Variants in NCF4 observed in about 807,000 individuals in gnomAD.
The protein encoded by NCF4 is neutrophil cytosolic factor 4, also known as neutrophil cytosol factor 4.
NCF4 carries 30 observed loss-of-function variants against 41.7 expected under a neutral mutation model. The observed-to-expected ratio is 0.72, with a 90% CI of 0.54 to 0.97. NCF4 has a LOEUF of 0.97. NCF4 is among the 50% of genes least tolerant of loss of function. The pLI, the probability that NCF4 is intolerant of heterozygous loss-of-function variation, is 0.00. For missense variants in NCF4, 432 were observed against 460.9 expected, an observed-to-expected ratio of 0.94 and a Z score of 0.57; for synonymous variants, 195 against 175.8, an observed-to-expected ratio of 1.11 and a Z score of -0.87.
At chr22:36,876,223 C>G in intron 9 of NCF4, 129 bp downstream of exon 9, 1 of 976,246 alleles carries the variant, frequency 1.0e-6, no homozygotes, top group Non-Finnish European at 1.5e-6. Flanking sequence ...TATCCGCAGC[C>G]CAGCCCTGCA....
chr22:36,864,143 C>T lies in NCF4; in HGVS notation c.117+14C>T, dbSNP rs200215030. Reference sequence around the variant, plus strand: ...ACCAGCCACTTTGTAAGACAGACTCCTAGTCCTTCACCCAACAACCTCTGA... The same window carrying T: ...ACCAGCCACTTTGTAAGACAGACTCTTAGTCCTTCACCCAACAACCTCTGA... On this transcript the variant is annotated intron_variant, in intron 2 of 9. Transcript: ENST00000248899. 2 of 1,603,206 alleles carry T rather than the reference C, an allele frequency of 1.2e-6. No homozygotes were observed. The highest frequency in any genetic ancestry group is 4.5e-5 in the East Asian group (2 of 44,826).
In NCF4 at chr22:36,870,529, C is replaced by G; in HGVS notation, c.457C>G (p.Arg153Gly). Reference protein sequence around the residue: ...VPQALRRLRPRTRKVKSVSPQ... With the variant: ...VPQALRRLRPGTRKVKSVSPQ... ...CCAGGCACTCCGCCGGCTCCGCCCG[C>G]GCACCCGGAAAGTGTAAGTGACCAG... Residue 153 changes from arginine (R) to glycine (G), a missense_variant, in exon 5 of 10, where the codon CGC (arginine) becomes GGC (glycine). Arg to Gly is a moderately radical substitution (Grantham distance 125). Transcript: ENST00000248899. 6.2e-7 allele frequency: 1 copy of G among 1,612,444 alleles called. No individual in the cohort carries two copies. The highest frequency in any genetic ancestry group is 8.5e-7 in the Non-Finnish European group (1 of 1,180,030).
At chr22:36,875,100 G>T (rs1249030474) in intron 7 of NCF4, among the ~76,000 whole-genome samples, 1 of 152,100 alleles carries the variant, frequency 6.6e-6, no homozygotes, top group Non-Finnish European at 1.5e-5. Context: ...CGTGATCTCG[G>T]CTCACTGCAA....
In NCF4 at chr22:36,864,957, G is replaced by A. The variant is rs1317941283; in HGVS notation, c.156G>A (p.Lys52=). 4.3e-6 allele frequency: 7 copies of A among 1,613,930 alleles called. No homozygotes were observed. The African/African-American group carries it at 9.3e-5, about 22-fold the overall frequency. The part of the protein sequence containing the change: ...VIEVKTKGGS[K]YLIYRRYRQF... ...AGGTGAAGACAAAAGGAGGATCCAA[G>A]TACCTCATCTACCGCCGCTACCGCC... is the stretch of plus-strand genomic sequence containing the variant. Residue 52 remains lysine (K), a synonymous_variant, in exon 3 of 10, where the codon AAG becomes AAA. Transcript: ENST00000248899.
intron 6 of NCF4, 71 bp from the exon 7 acceptor site, chr22:36,872,256 T>C (rs1356591520): frequency 8.4e-7 from 1 of 1,193,038 alleles, no homozygotes; most frequent in South Asian, 1.2e-5. Context: ...GAGACTAAAG[T>C]ATGTAAGGCA....
chr22:36,870,917 C>T (rs938711267), intron 5 of NCF4, among the ~76,000 whole-genome samples: 1 of 152,192 alleles, frequency 6.6e-6, no homozygotes, highest in Admixed American at 6.5e-5. Context: ...AATGCCTTCT[C>T]CCTGGTGTGT....
chr22:36,873,064 A>G (rs35249734), intron 7 of NCF4, among the ~76,000 whole-genome samples: 4,519 of 49,604 alleles, frequency 0.091, 32 homozygotes, highest in South Asian at 0.15. Flanking sequence ...GATTGGAGGT[A>G]AGGTTGGAGG....
intron 4 of NCF4, 31 bp downstream of exon 4, chr22:36,867,493 G>A: frequency 6.2e-7 from 1 of 1,610,978 alleles, no homozygotes; most frequent in South Asian, 1.1e-5. Context: ...CTTGGCACGT[G>A]GAAGGGCATG....
intron 4 of NCF4, 139 bp from the exon 5 acceptor site, chr22:36,870,276 A>C: frequency 8.1e-7 from 1 of 1,228,238 alleles, no homozygotes; most frequent in Non-Finnish European, 1.2e-6. Flanking sequence ...CTTTTAAACA[A>C]CGCATTTCTG....
chr22:36,863,004 C>G (rs1362376757), intron 1 of NCF4, among the ~76,000 whole-genome samples: 1 of 152,178 alleles, frequency 6.6e-6, no homozygotes, highest in Non-Finnish European at 1.5e-5. Context: ...GCCAGAACAT[C>G]CCGGCCCAGT....
In NCF4 at chr22:36,870,427, C is replaced by T. The variant is rs377706087; in HGVS notation, c.355C>T (p.Leu119=). Residue 119 remains leucine, a synonymous_variant, in exon 5 of 10, where the codon CTG becomes TTG. Coordinates refer to ENST00000248899, the MANE Select transcript of NCF4 (RefSeq NM_000631.5). ...CTCACCCACACAGAGCCTGCTCAGC[C>T]TGCCGGTCTGGGTGCTGATGGATGA... ...LNAYMKSLLS[L]PVWVLMDEDV... is the part of the protein sequence containing the mutation. The T allele has an allele frequency of 6.2e-6, 10 of 1,613,910 alleles. No homozygotes were observed. The African/African-American group carries it at 1.2e-4, about 19-fold the overall frequency.
intron 3 of NCF4, among the ~76,000 whole-genome samples, chr22:36,866,082 T>C (rs1041499331): frequency 2.0e-5 from 3 of 152,172 alleles, no homozygotes; most frequent in Admixed American, 6.5e-5. Flanking sequence ...CTCTTCTGTC[T>C]TTAAACAATC....
At chr22:36,871,607 C>A in intron 5 of NCF4, 45 bp from the exon 6 acceptor site, 2 of 1,548,784 alleles carry the variant, frequency 1.3e-6, no homozygotes, top group East Asian at 2.4e-5. Flanking sequence ...AAGCTGGGCC[C>A]TGAGAGAATC....
At position 36,871,721 on chromosome 22, in the gene NCF4, C is replaced by G. The variant is rs777031106; in HGVS notation, c.528+12C>G. On this transcript the variant is annotated intron_variant, in intron 6 of 9. Transcript: ENST00000248899. ...CTCCGAGAGCAGAGGTAACCCCCGC[C>G]CCCACGCTGGCCAGGCTCTCACACT... is the stretch of plus-strand genomic sequence containing the variant. 6.4e-7 allele frequency: 1 copy of G among 1,556,344 alleles called. No individual in the cohort carries two copies. Among genetic ancestry groups the G allele is most frequent in the South Asian group, 1.2e-5 (1 of 84,440 alleles).
chr22:36,871,489 G>A (rs1215105397), intron 5 of NCF4, among the ~76,000 whole-genome samples, 163 bp from the exon 6 acceptor site: 1 of 152,210 alleles, frequency 6.6e-6, no homozygotes, highest in African/African-American at 2.4e-5. Flanking sequence ...GAGGATTTGG[G>A]GACAAGTGTG....
intron 9 of NCF4, among the ~76,000 whole-genome samples, chr22:36,876,312 G>C (rs1027118288): frequency 4.6e-5 from 7 of 152,196 alleles, no homozygotes; most frequent in Non-Finnish European, 8.8e-5. Context: ...AGCTCACGCA[G>C]GTTGTGGGTT....
intron 1 of NCF4, 56 bp downstream of exon 1, chr22:36,861,259 A>T: frequency 6.5e-7 from 1 of 1,532,734 alleles, no homozygotes; most frequent in Non-Finnish European, 8.9e-7. Context: ...CATAGGCCTT[A>T]GGGACAAAGG....
At chr22:36,874,596 A>G (rs1940151025) in intron 7 of NCF4, among the ~76,000 whole-genome samples, 1 of 152,222 alleles carries the variant, frequency 6.6e-6, no homozygotes, top group South Asian at 2.1e-4. Flanking sequence ...GGAAAGTCCT[A>G]CTTATCAGTA....
At chr22:36,873,435 G>C (rs1194558420) in intron 7 of NCF4, among the ~76,000 whole-genome samples, 1 of 151,928 alleles carries the variant, frequency 6.6e-6, no homozygotes, top group African/African-American at 2.4e-5. Context: ...TGGAGGTGAG[G>C]TTGCTTCAGG....
Sources: allele counts gnomAD v4.1 joint callset (sites outside exome capture counted in the v4.1 genomes callset), GRCh38; gene constraint gnomAD v4.1.1; transcripts MANE v1.5; gene names NCBI Gene and HGNC (gene_info 2026-07-23, HGNC 2026-07-21).